The following FBLN1 variants were observed in gnomAD, a reference collection of about 807,000 sequenced individuals.
FBLN1 encodes fibulin 1.
FBLN1 carries 34 observed loss-of-function variants against 89.7 expected under a neutral mutation model. The ratio of observed to expected loss-of-function variants is 0.38; its 90% confidence interval spans 0.29 to 0.50. FBLN1 has a LOEUF of 0.50. Among genes scored for constraint, FBLN1 ranks in the 20% least tolerant of loss-of-function variants. FBLN1 has a pLI of 0.92. For missense variants in FBLN1, 777 were observed against 988.1 expected, an observed-to-expected ratio of 0.79 and a Z score of 2.86; for synonymous variants, 393 against 391.3, an observed-to-expected ratio of 1.00 and a Z score of -0.05.
chr22:45,576,350 G>T lies in FBLN1; in HGVS notation c.1841-627G>T, dbSNP rs2088997146. Among the ~76,000 whole-genome samples the T allele has an allele frequency of 2.0e-5, 3 of 152,058 alleles. No homozygotes were observed. The South Asian group carries it at 6.2e-4, about 32-fold the overall frequency. On this transcript the variant is annotated intron_variant, in intron 15 of 16. Transcript: ENST00000327858. This position sits in a 1 kb window ranked among gnomAD's most constrained non-coding sequence, Gnocchi z 5.2. The stretch of plus-strand genomic sequence containing the variant: ...GTTGGGACACCTGTTAGCATCTTGG[G>T]CCCAGGAAATCCACACCCTGACCTT...
chr22:45,513,066 G>T (rs1242859702), intron 1 of FBLN1, among the ~76,000 whole-genome samples: 2 of 152,178 alleles, frequency 1.3e-5, no homozygotes, highest in African/African-American at 4.8e-5. Flanking sequence ...CTGTCAAACT[G>T]CTGTACAGAA....
chr22:45,580,218 G>T lies in FBLN1; in HGVS notation c.1972+3110G>T, dbSNP rs944513900. ...ACTTAGGCAGAAACCCTTCATGGTG[G>T]TGGAGAGGAAGAAAGCGGCTTCCAG... On this transcript the variant is annotated intron_variant, in intron 16 of 16. Coordinates refer to ENST00000327858, the MANE Select transcript of FBLN1 (RefSeq NM_006486.3). The surrounding 1 kb of genome is among the most constrained non-coding windows in gnomAD (Gnocchi z 8.6). Among the ~76,000 whole-genome samples, 2 of 152,144 alleles carry T rather than the reference G, an allele frequency of 1.3e-5. No homozygotes were observed. Among genetic ancestry groups the T allele is most frequent in the African/African-American group, 4.8e-5 (2 of 41,444 alleles).
In FBLN1 at chr22:45,512,030, C is replaced by G. The variant is rs550018104; in HGVS notation, c.80-6652C>G. 5.3e-5 allele frequency among the ~76,000 whole-genome samples: 8 copies of G among 152,160 alleles called. No homozygotes were observed. In the South Asian group the frequency reaches 1.5e-3, roughly 28 times the overall value. ...TGATCTGGGAGAGAAGATTCCAGGT[C>G]CCCTGAGGCCCTGCTTCTCTCTTGA... On this transcript the variant is annotated intron_variant, in intron 1 of 16. Transcript: ENST00000327858.
intron 14 of FBLN1, among the ~76,000 whole-genome samples, chr22:45,566,958 G>GT (rs1369047025): frequency 6.6e-6 from 1 of 152,270 alleles, no homozygotes; most frequent in Non-Finnish European, 1.5e-5. Context: ...TTCCAAGCAT[G>GT]TAATTCGTTT....
chr22:45,556,896 T>A lies in FBLN1; in HGVS notation c.1697+6281T>A, dbSNP rs530539529. ...GCTAGTGGATCACTAGGGGTGATGG[T>A]GAGTGGTGCCACTTCCATTTCCACC... On this transcript the variant is annotated intron_variant, in intron 14 of 16. Transcript: ENST00000327858. This position sits in a 1 kb window ranked among gnomAD's most constrained non-coding sequence, Gnocchi z 4.6. 2.0e-5 allele frequency among the ~76,000 whole-genome samples: 3 copies of A among 152,238 alleles called. No individual in the cohort carries two copies. Among genetic ancestry groups the A allele is most frequent in the Non-Finnish European group, 2.9e-5 (2 of 68,004 alleles).
At chr22:45,543,547 A>G in intron 11 of FBLN1, 21 bp downstream of exon 11, 1 of 1,610,518 alleles carries the variant, frequency 6.2e-7, no homozygotes, top group Non-Finnish European at 8.5e-7. Flanking sequence ...GGCCCCGTCC[A>G]CTCACCTCCC....
rs1310304158 is a variant in FBLN1 at position 45,574,442 on chromosome 22, G to C, written c.1698-69G>C. The stretch of plus-strand genomic sequence containing the variant: ...CCTGGCCACCTGCTCCTCCTCCCTA[G>C]ACCTCGGCCCCTGTGGGAGCTGCTG... On this transcript the variant is annotated intron_variant, in intron 14 of 16. Transcript: ENST00000327858. The surrounding 1 kb of genome is among the most constrained non-coding windows in gnomAD (Gnocchi z 4.1). 6.3e-7 allele frequency: 1 copy of C among 1,588,310 alleles called. No individual in the cohort carries two copies. The highest frequency in any genetic ancestry group is 2.2e-5 in the East Asian group (1 of 44,472).
In FBLN1 at chr22:45,587,914, C is replaced by G. The variant is rs540721452; in HGVS notation, c.1972+10806C>G. ...CTCCTTCTTTTGTGCTCCAGTGGCC[C>G]CAGATGAGCCCCTTTTGCAACTCTC... On this transcript the variant is annotated intron_variant, in intron 16 of 16. Transcript: ENST00000327858. Among the ~76,000 whole-genome samples the G allele has an allele frequency of 1.2e-4, 19 of 152,204 alleles. No homozygotes were observed. In the South Asian group the frequency reaches 3.7e-3, roughly 30 times the overall value.
chr22:45,568,581 GCT>G (rs2088921084), intron 14 of FBLN1, among the ~76,000 whole-genome samples: 3 of 111,308 alleles, frequency 2.7e-5, no homozygotes, highest in Admixed American at 9.1e-5. Flanking sequence ...GTAGGAGAAT[GCT>G]CCTGTAGGGG....
Position 45,563,392 on chromosome 22 carries a change from G to C in FBLN1, c.1698-11119G>C. On this transcript the variant is annotated intron_variant, in intron 14 of 16. Transcript: ENST00000327858. The surrounding 1 kb of genome is among the most constrained non-coding windows in gnomAD (Gnocchi z 5.7). ...CGCGTGCCTTGGTTTTATTTGGCAT[G>C]GTTGGGAGTCTGTGCCGCTTGTTAC... The C allele has an allele frequency of 6.5e-7, 1 of 1,533,860 alleles. No homozygotes were observed. Among genetic ancestry groups the C allele is most frequent in the Non-Finnish European group, 8.7e-7 (1 of 1,145,662 alleles).
intron 1 of FBLN1, among the ~76,000 whole-genome samples, chr22:45,511,067 C>T (rs2088093387): frequency 6.6e-6 from 1 of 152,032 alleles, no homozygotes; most frequent in Admixed American, 6.6e-5. Flanking sequence ...ATAACTTTTC[C>T]TTTTGTTTAA....
At chr22:45,571,558 A>T (rs1361200637) in intron 14 of FBLN1, among the ~76,000 whole-genome samples, 3 of 152,238 alleles carry the variant, frequency 2.0e-5, no homozygotes, top group African/African-American at 7.2e-5. Context: ...TAGAATTGTT[A>T]TCCTGAGGCT....
intron 10 of FBLN1, among the ~76,000 whole-genome samples, chr22:45,542,625 C>T (rs866651012): frequency 1.3e-5 from 2 of 152,176 alleles, no homozygotes; most frequent in South Asian, 2.1e-4. Flanking sequence ...AGCTGTAGAT[C>T]CCCAGGAGCT....
rs531216008 is a variant in FBLN1 at position 45,547,551 on chromosome 22, A to G, written c.1441+347A>G. On this transcript the variant is annotated intron_variant, in intron 12 of 16. Transcript: ENST00000327858. Reference sequence around the variant, plus strand: ...GTTGGGACCATAGGTGTATACCACCATGCCTGGCTAATTTTTTATTTTTAA... The same window carrying G: ...GTTGGGACCATAGGTGTATACCACCGTGCCTGGCTAATTTTTTATTTTTAA... Among the ~76,000 whole-genome samples, 11 of 151,766 alleles carry G rather than the reference A, an allele frequency of 7.2e-5. No individual in the cohort carries two copies. The East Asian group carries it at 7.7e-4, about 11-fold the overall frequency.
At chr22:45,591,266 G>C (rs924269640) in intron 16 of FBLN1, among the ~76,000 whole-genome samples, 1 of 152,142 alleles carries the variant, frequency 6.6e-6, no homozygotes, top group Admixed American at 6.5e-5. Flanking sequence ...CACTGCCTGC[G>C]TTTGCGATGA....
intron 8 of FBLN1, among the ~76,000 whole-genome samples, chr22:45,540,702 CA>C (rs1386910624): frequency 6.6e-6 from 1 of 152,210 alleles, no homozygotes; most frequent in Non-Finnish European, 1.5e-5. Context: ...TGTATGTCAT[CA>C]AAGGTAAATG....
chr22:45,598,723 C>G (rs115939951), intron 16 of FBLN1, among the ~76,000 whole-genome samples: 126 of 152,334 alleles, frequency 8.3e-4, no homozygotes, highest in Middle Eastern at 3.4e-3. Context: ...TGTCCCAGCA[C>G]CTGTTTAGCA....
intron 7 of FBLN1, 138 bp downstream of exon 7, chr22:45,534,036 A>T (rs2088448287): frequency 1.5e-5 from 18 of 1,207,708 alleles, no homozygotes; most frequent in Admixed American, 5.2e-5. Flanking sequence ...GCTCATCTGC[A>T]GGAGGGAGGT....
chr22:45,527,791 A>G, intron 3 of FBLN1, 56 bp from the exon 4 acceptor site: 1 of 1,605,202 alleles, frequency 6.2e-7, no homozygotes, highest in Admixed American at 1.7e-5. Flanking sequence ...CCTCTCGTGG[A>G]CCCCGCTGGG....
Sources: gnomAD v4.1 joint callset for allele counts (sites outside exome capture counted in the v4.1 genomes callset) on GRCh38, gnomAD v4.1.1 for gene constraint, Gnocchi (gnomAD v3.1) non-coding constraint, MANE v1.5 for transcripts, NCBI Gene and HGNC (gene_info 2026-07-23, HGNC 2026-07-21) for gene names.